Variants in MAGI2 observed in about 807,000 individuals in gnomAD.
MAGI2 encodes membrane associated guanylate kinase, WW and PDZ domain containing 2, also known as membrane-associated guanylate kinase, WW and PDZ domain-containing protein 2.
In MAGI2, 35 loss-of-function variants were observed where a neutral mutation model predicts 133.3. The ratio of observed to expected loss-of-function variants is 0.26; its 90% confidence interval spans 0.20 to 0.35. The LOEUF (loss-of-function observed/expected upper bound fraction) is 0.35, where lower values mean the gene tolerates loss of function less well. MAGI2 is among the 10% of genes least tolerant of loss of function. MAGI2 has a pLI of 1.00. For missense variants in MAGI2, 1,636 were observed against 1,863.4 expected, an observed-to-expected ratio of 0.88 and a Z score of 2.25; for synonymous variants, 729 against 710.6, an observed-to-expected ratio of 1.03 and a Z score of -0.41.
intron 1 of MAGI2, among the ~76,000 whole-genome samples, chr7:79,387,012 C>T (rs36062881): frequency 1.5e-4 from 22 of 151,302 alleles, no homozygotes; most frequent in South Asian, 8.3e-4. Flanking sequence ...CACACACACA[C>T]GTTATATATA....
At chr7:79,358,573 A>T (rs1167282847) in intron 1 of MAGI2, among the ~76,000 whole-genome samples, 1 of 152,090 alleles carries the variant, frequency 6.6e-6, no homozygotes, top group Non-Finnish European at 1.5e-5. Flanking sequence ...ACAGAAAATG[A>T]CCCAGTCTAG....
At chr7:78,093,315 A>G (rs1018951897) in intron 20 of MAGI2, among the ~76,000 whole-genome samples, 1 of 146,194 alleles carries the variant, frequency 6.8e-6, no homozygotes, top group Non-Finnish European at 1.5e-5. Flanking sequence ...AAAAAAAATC[A>G]TGGTGGCGCA....
chr7:78,979,119 C>T (rs1047906709), intron 2 of MAGI2, among the ~76,000 whole-genome samples: 12 of 151,754 alleles, frequency 7.9e-5, no homozygotes, highest in African/African-American at 2.2e-4. Flanking sequence ...TGTGTGTATG[C>T]ATGTGGATTA....
chr7:78,538,454 A>G (rs1798141823), intron 3 of MAGI2, among the ~76,000 whole-genome samples: 1 of 152,248 alleles, frequency 6.6e-6, no homozygotes, highest in Non-Finnish European at 1.5e-5. Flanking sequence ...CTACCCATCA[A>G]TGAGCATGAG....
chr7:79,191,392 CTT>C (rs1346621690), intron 1 of MAGI2, among the ~76,000 whole-genome samples: 6 of 45,732 alleles, frequency 1.3e-4, no homozygotes, highest in African/African-American at 3.8e-4. Context: ...TTTTCTTTTT[CTT>C]TTTCTTTCTT....
intron 1 of MAGI2, among the ~76,000 whole-genome samples, chr7:79,226,995 G>C (rs1411326568): frequency 1.3e-5 from 2 of 151,882 alleles, no homozygotes; most frequent in Non-Finnish European, 2.9e-5. Flanking sequence ...TAAAGTAGCT[G>C]TGAGAAAAAA....
chr7:78,919,943 T>A (rs775670336), intron 2 of MAGI2, among the ~76,000 whole-genome samples: 1 of 152,104 alleles, frequency 6.6e-6, no homozygotes, highest in East Asian at 1.9e-4. Flanking sequence ...TTTAAATTGA[T>A]GAGATTTCAT....
intron 6 of MAGI2, among the ~76,000 whole-genome samples, chr7:78,437,808 T>C (rs980928770): frequency 6.6e-6 from 1 of 152,228 alleles, no homozygotes; most frequent in Non-Finnish European, 1.5e-5. Flanking sequence ...GGGGCACTTA[T>C]GAAAGTTTAT....
chr7:78,688,218 T>C (rs1816583825), intron 2 of MAGI2, among the ~76,000 whole-genome samples: 1 of 152,138 alleles, frequency 6.6e-6, no homozygotes, highest in South Asian at 2.1e-4. Context: ...AATGTAATGA[T>C]AAAATGAGCT....
At chr7:78,413,534 G>C (rs895532553) in intron 6 of MAGI2, among the ~76,000 whole-genome samples, 2 of 152,020 alleles carry the variant, frequency 1.3e-5, no homozygotes, top group African/African-American at 4.8e-5. Context: ...CTAATAAACA[G>C]TTGGAAGTGT....
At chr7:78,843,680 G>T (rs1584116772) in intron 2 of MAGI2, among the ~76,000 whole-genome samples, 1 of 151,666 alleles carries the variant, frequency 6.6e-6, no homozygotes, top group East Asian at 1.9e-4. Flanking sequence ...TTGTGCATTT[G>T]CCTGTGTCAT....
intron 1 of MAGI2, among the ~76,000 whole-genome samples, chr7:79,365,018 A>G (rs1300253574): frequency 2.0e-5 from 3 of 151,662 alleles, no homozygotes; most frequent in Admixed American, 2.0e-4. Context: ...AGGAGTAGGA[A>G]AAAAAAAACC....
At chr7:78,497,204 ATTATAC>A (rs1794168721) in intron 5 of MAGI2, among the ~76,000 whole-genome samples, 1 of 152,220 alleles carries the variant, frequency 6.6e-6, no homozygotes, top group Non-Finnish European at 1.5e-5. Flanking sequence ...TTTACACAGT[ATTATAC>A]ATTTAAAAGT....
At chr7:78,119,661 C>A (rs989335029) in intron 20 of MAGI2, among the ~76,000 whole-genome samples, 6 of 151,250 alleles carry the variant, frequency 4.0e-5, no homozygotes, top group African/African-American at 1.5e-4. Context: ...ACTTATTTGT[C>A]CATTGTAACA....
intron 1 of MAGI2, among the ~76,000 whole-genome samples, chr7:79,011,728 C>G (rs1388843463): frequency 6.6e-6 from 1 of 152,146 alleles, no homozygotes; most frequent in African/African-American, 2.4e-5. Context: ...CTCTAATGTT[C>G]TAATCATCTT....
chr7:78,069,531 A>AAG (rs57162104), intron 21 of MAGI2, among the ~76,000 whole-genome samples: 1 of 109,402 alleles, frequency 9.1e-6, no homozygotes, highest in Admixed American at 1.0e-4. Flanking sequence ...GATTGAAAGA[A>AAG]AGAGAGAGGA....
intron 7 of MAGI2, among the ~76,000 whole-genome samples, chr7:78,352,588 C>T (rs575233719): frequency 6.8e-4 from 104 of 152,240 alleles, no homozygotes; most frequent in African/African-American, 2.3e-3. Context: ...GTCATTCACA[C>T]GTTAATTTCT....
intron 18 of MAGI2, 89 bp downstream of exon 18, chr7:78,132,800 T>C: frequency 6.4e-7 from 1 of 1,573,812 alleles, no homozygotes; most frequent in Non-Finnish European, 8.7e-7. Context: ...AAAGTCTCTC[T>C]CTCTGCCTGT....
At chr7:78,070,173 A>G (rs1814378125) in intron 21 of MAGI2, among the ~76,000 whole-genome samples, 1 of 22,312 alleles carries the variant, frequency 4.5e-5, no homozygotes, top group Non-Finnish European at 9.4e-5. Context: ...ACACACACAC[A>G]CATATATATA....
Sources: gnomAD v4.1 joint callset for allele counts (sites outside exome capture counted in the v4.1 genomes callset) on GRCh38, gnomAD v4.1.1 for gene constraint, MANE v1.5 for transcripts, NCBI Gene and HGNC (gene_info 2026-07-23, HGNC 2026-07-21) for gene names.